Variants in SYN3 observed in about 807,000 individuals in gnomAD.
SYN3 encodes the protein synapsin III.
In SYN3, 35 loss-of-function variants were observed where a neutral mutation model predicts 65.8. That is an observed-to-expected ratio of 0.53 (90% CI 0.41 to 0.70). The LOEUF (loss-of-function observed/expected upper bound fraction) is 0.70. Among genes scored for constraint, SYN3 ranks in the 30% least tolerant of loss-of-function variants. The pLI is 0.00. For synonymous variants in SYN3, 270 were observed against 292.9 expected, an observed-to-expected ratio of 0.92 and a Z score of 0.80; for missense variants, 680 against 749.0, an observed-to-expected ratio of 0.91 and a Z score of 1.08.
At chr22:32,596,229 A>G (rs1231493834) in intron 7 of SYN3, among the ~76,000 whole-genome samples, 1 of 152,154 alleles carries the variant, frequency 6.6e-6, no homozygotes, top group East Asian at 1.9e-4. Context: ...CTGTGGAGCC[A>G]CAGCCATTAA....
intron 7 of SYN3, among the ~76,000 whole-genome samples, chr22:32,571,950 G>A (rs2058764670): frequency 6.6e-6 from 1 of 151,946 alleles, no homozygotes; most frequent in Non-Finnish European, 1.5e-5. Context: ...TCCAGTTGTG[G>A]TTTCTGCCCT....
chr22:33,005,750 G>A (rs1239245980), intron 2 of SYN3, among the ~76,000 whole-genome samples: 2 of 152,210 alleles, frequency 1.3e-5, no homozygotes, highest in Non-Finnish European at 2.9e-5. Flanking sequence ...TGATCCCAAG[G>A]TTTGGGATAA....
chr22:32,791,988 T>C (rs1010634426), intron 6 of SYN3, among the ~76,000 whole-genome samples: 6 of 152,190 alleles, frequency 3.9e-5, no homozygotes, highest in African/African-American at 1.4e-4. Flanking sequence ...GTCACTAGAC[T>C]ATAGGCTACT....
At chr22:32,745,505 G>A (rs2044905060) in intron 6 of SYN3, among the ~76,000 whole-genome samples, 1 of 152,154 alleles carries the variant, frequency 6.6e-6, no homozygotes, top group African/African-American at 2.4e-5. Flanking sequence ...CTTTGGGCAG[G>A]GGCCTTGTCA....
At chr22:32,529,770 C>A (rs2058040417) in intron 10 of SYN3, among the ~76,000 whole-genome samples, 1 of 152,204 alleles carries the variant, frequency 6.6e-6, no homozygotes, top group Non-Finnish European at 1.5e-5. Context: ...GAACAGCTGG[C>A]CGCGTCACCC....
intron 6 of SYN3, among the ~76,000 whole-genome samples, chr22:32,725,250 TCC>T (rs1289519286): frequency 2.0e-5 from 3 of 152,104 alleles, no homozygotes; most frequent in Non-Finnish European, 4.4e-5. Flanking sequence ...TGGAGGATGA[TCC>T]CAGTAAAGCA....
At position 32,557,266 on chromosome 22, in the gene SYN3, A is replaced by G. The variant is rs1478418660; in HGVS notation, c.775-15553T>C. On this transcript the variant is annotated intron_variant, in intron 7 of 13. Coordinates refer to ENST00000358763, the MANE Select transcript of SYN3 (RefSeq NM_003490.4). ...GATAATTCTATAGAGGGTGACCAAC[A>G]CCACAAAGGGCATGCGGCTGAGGGG... Among the ~76,000 whole-genome samples the G allele has an allele frequency of 3.3e-5, 5 of 151,412 alleles. No individual in the cohort carries two copies. In the East Asian group the frequency reaches 9.8e-4, roughly 30 times the overall value.
intron 6 of SYN3, among the ~76,000 whole-genome samples, chr22:32,675,275 T>C (rs1318124365): frequency 6.6e-6 from 1 of 152,180 alleles, no homozygotes; most frequent in Non-Finnish European, 1.5e-5. Flanking sequence ...GCAAGCCTTG[T>C]CATATATCTT....
intron 6 of SYN3, among the ~76,000 whole-genome samples, chr22:32,841,551 C>A (rs763058771): frequency 1.3e-5 from 2 of 152,040 alleles, no homozygotes; most frequent in Non-Finnish European, 2.9e-5. Flanking sequence ...TTATCTGGAG[C>A]TCAGTGTTGG....
At chr22:32,576,442 T>A (rs1399047334) in intron 7 of SYN3, among the ~76,000 whole-genome samples, 1 of 152,204 alleles carries the variant, frequency 6.6e-6, no homozygotes, top group Non-Finnish European at 1.5e-5. Context: ...AAAACGCACA[T>A]GAACTACGAA....
intron 6 of SYN3, among the ~76,000 whole-genome samples, chr22:32,612,524 T>C (rs1411707501): frequency 6.6e-6 from 1 of 152,208 alleles, no homozygotes; most frequent in Non-Finnish European, 1.5e-5. Flanking sequence ...AGTTTCGCTT[T>C]AGGGGCTAAA....
intron 6 of SYN3, among the ~76,000 whole-genome samples, chr22:32,708,119 A>C (rs1183533780): frequency 6.6e-6 from 1 of 152,218 alleles, no homozygotes; most frequent in Non-Finnish European, 1.5e-5. Context: ...TATAATTGCT[A>C]ATACTGTTTA....
intron 6 of SYN3, among the ~76,000 whole-genome samples, chr22:32,777,022 T>C (rs968890182): frequency 1.3e-5 from 2 of 152,156 alleles, no homozygotes; most frequent in Non-Finnish European, 1.5e-5. Flanking sequence ...ACGTGAGTTC[T>C]TCAAGCCTGA....
rs559567027 is a variant in SYN3 at position 33,041,359 on chromosome 22, C to T, written c.-163+16933G>A. On this transcript the variant is annotated intron_variant, in intron 1 of 13. Coordinates refer to ENST00000358763, the MANE Select transcript of SYN3 (RefSeq NM_003490.4). The stretch of plus-strand genomic sequence containing the variant: ...AGGCTGGAGTGCAGTGGCGCGATCT[C>T]GGCTCACTGCAAGCTCCACCTCCCA... Among the ~76,000 whole-genome samples, 14 of 150,314 alleles carry T rather than the reference C, an allele frequency of 9.3e-5. 1 individual carries two copies. In the South Asian group the frequency reaches 2.5e-3, roughly 27 times the overall value.
chr22:33,029,628 A>T (rs1327461582), intron 1 of SYN3, among the ~76,000 whole-genome samples: 1 of 152,104 alleles, frequency 6.6e-6, no homozygotes. Context: ...TCCCTTACAG[A>T]TGTGGACATT....
At chr22:32,803,693 T>A (rs1008187797) in intron 6 of SYN3, among the ~76,000 whole-genome samples, 1 of 152,112 alleles carries the variant, frequency 6.6e-6, no homozygotes, top group Non-Finnish European at 1.5e-5. Context: ...ACCTGATTAG[T>A]GTGGGGAGTT....
At chr22:33,053,331 G>A (rs1401966577) in intron 1 of SYN3, among the ~76,000 whole-genome samples, 1 of 152,160 alleles carries the variant, frequency 6.6e-6, no homozygotes, top group Non-Finnish European at 1.5e-5. Flanking sequence ...GCTGAGGCAG[G>A]AGAATCACTT....
intron 6 of SYN3, among the ~76,000 whole-genome samples, chr22:32,663,748 T>C (rs1163757138): frequency 6.6e-6 from 1 of 152,230 alleles, no homozygotes. Context: ...CATATTTGCA[T>C]TTAAAATTTT....
intron 2 of SYN3, among the ~76,000 whole-genome samples, chr22:32,985,667 C>T (rs933865595): frequency 6.6e-6 from 1 of 152,026 alleles, no homozygotes; most frequent in Non-Finnish European, 1.5e-5. Context: ...TTTTTGGATC[C>T]AGTCCAGAGC....
Sources: allele counts gnomAD v4.1 joint callset (sites outside exome capture counted in the v4.1 genomes callset), GRCh38; gene constraint gnomAD v4.1.1; transcripts MANE v1.5; gene names NCBI Gene and HGNC (gene_info 2026-07-23, HGNC 2026-07-21).